ARFGEF3: variants seen among roughly 807,000 people sequenced by gnomAD.
The protein encoded by ARFGEF3 is ARFGEF family member 3.
In ARFGEF3, 96 loss-of-function variants were observed where a neutral mutation model predicts 221.7. The observed-to-expected ratio is 0.43, with a 90% CI of 0.37 to 0.51. The LOEUF is 0.51. Among genes scored for constraint, ARFGEF3 ranks in the 20% least tolerant of loss-of-function variants. The pLI is 0.00. For synonymous variants in ARFGEF3, 1,145 were observed against 1,126.8 expected, an observed-to-expected ratio of 1.02 and a Z score of -0.32; for missense variants, 2,410 against 2,789.9, an observed-to-expected ratio of 0.86 and a Z score of 3.07.
intron 24 of ARFGEF3, among the ~76,000 whole-genome samples, chr6:138,309,251 G>A (rs536224125): frequency 2.6e-5 from 4 of 152,172 alleles, no homozygotes; most frequent in African/African-American, 9.6e-5. Flanking sequence ...GTTTAACTAA[G>A]TGTCCTTCCC....
intron 14 of ARFGEF3, among the ~76,000 whole-genome samples, chr6:138,280,886 A>G (rs1188476230): frequency 6.6e-6 from 1 of 151,414 alleles, no homozygotes; most frequent in Non-Finnish European, 1.5e-5. Context: ...GTTTATCCAT[A>G]TCAGAGGCCC....
At chr6:138,257,692 C>G (rs1583035314) in intron 10 of ARFGEF3, among the ~76,000 whole-genome samples, 1 of 152,156 alleles carries the variant, frequency 6.6e-6, no homozygotes, top group African/African-American at 2.4e-5. Flanking sequence ...CCAGCAGCCC[C>G]TTTTTCTTGG....
intron 31 of ARFGEF3, among the ~76,000 whole-genome samples, chr6:138,326,462 G>A (rs1045631643): frequency 2.6e-5 from 4 of 152,020 alleles, no homozygotes; most frequent in African/African-American, 9.7e-5. Context: ...GTGGGTAAAG[G>A]ACTTGAACAG....
At position 138,194,989 on chromosome 6, in the gene ARFGEF3, A is replaced by ATTTTTT. The variant is rs747099029; in HGVS notation, c.138-12027_138-12022dup. Among the ~76,000 whole-genome samples, 260 of 84,114 alleles carry ATTTTTT rather than the reference A, an allele frequency of 3.1e-3. 11 individuals carry two copies. Among genetic ancestry groups the ATTTTTT allele is most frequent in the African/African-American group, 0.012 (206 of 17,392 alleles). The allele number at this position is 84,114 out of a possible 152,430, so 55.2% of individuals were successfully genotyped here. ...TCAAACTAACTTCACCTTTTCCCTA[A>ATTTTTT]TTTTTTTTTTTTTTTTTTTTTTTTT... is the stretch of plus-strand genomic sequence containing the variant. On this transcript the variant is annotated intron_variant, in intron 2 of 33. Transcript: ENST00000251691.
At chr6:138,289,220 T>C (rs1779354805) in intron 17 of ARFGEF3, among the ~76,000 whole-genome samples, 1 of 152,238 alleles carries the variant, frequency 6.6e-6, no homozygotes, top group Non-Finnish European at 1.5e-5. Context: ...CCCAATGTGC[T>C]GGGATTACAG....
In ARFGEF3 at chr6:138,263,415, C is replaced by T. The variant is rs754945680; in HGVS notation, c.1932C>T (p.Pro644=). The stretch of plus-strand genomic sequence containing the variant: ...CACTAGCCGATGAAGAGCAGACACC[C>T]CGGGACTGCCTAGGCCACCGGTCCC... ...NCSLADEEQT[P]RDCLGHRSLR... is the part of the protein sequence containing the mutation. Residue 644 remains proline (P), a synonymous_variant, in exon 12 of 34, where the codon CCC becomes CCT. Transcript: ENST00000251691. The T allele has an allele frequency of 5.6e-6, 9 of 1,613,860 alleles. No homozygotes were observed. Among genetic ancestry groups the T allele is most frequent in the Admixed American group, 1.7e-5 (1 of 60,002 alleles).
intron 18 of ARFGEF3, 107 bp downstream of exon 18, chr6:138,290,075 A>T: frequency 9.4e-7 from 1 of 1,066,744 alleles, no homozygotes; most frequent in South Asian, 1.7e-5. Context: ...GCCAGCATGT[A>T]AATCAATTAT....
At chr6:138,258,070 C>T (rs1778719093) in intron 10 of ARFGEF3, among the ~76,000 whole-genome samples, 1 of 152,168 alleles carries the variant, frequency 6.6e-6, no homozygotes, top group South Asian at 2.1e-4. Context: ...TAACAATTTT[C>T]CCATTGCCCA....
rs3734302 is a variant in ARFGEF3 at position 138,328,225 on chromosome 6, G to A, written c.5123+83G>A. 9.2e-6 allele frequency: 13 copies of A among 1,411,546 alleles called. No homozygotes were observed. The East Asian group carries it at 3.2e-4, about 35-fold the overall frequency. 87.4% of individuals were successfully genotyped at this position (1,411,546 alleles called of 1,614,324 possible). A position where few individuals can be genotyped will look rare whatever the true frequency, so the allele number is the denominator to read the frequency against. ...CCAGTTCTCACACATTGTAATCTGAGCTTTGGCCAGAAATACTGAAAACAT... is the reference window on the plus strand; with the variant it reads ...CCAGTTCTCACACATTGTAATCTGAACTTTGGCCAGAAATACTGAAAACAT... On this transcript the variant is annotated intron_variant, in intron 32 of 33. Transcript: ENST00000251691.
At chr6:138,230,432 A>G (rs1019592336) in intron 5 of ARFGEF3, among the ~76,000 whole-genome samples, 2 of 152,216 alleles carry the variant, frequency 1.3e-5, no homozygotes, top group Non-Finnish European at 2.9e-5. Flanking sequence ...TGGAAACACT[A>G]TCATTTCAAA....
At chr6:138,218,217 T>G in intron 4 of ARFGEF3, 1 of 1,613,884 alleles carries the variant, frequency 6.2e-7, no homozygotes, top group Non-Finnish European at 8.5e-7. Flanking sequence ...TTGACTTCTT[T>G]TTACTTTTTC....
At chr6:138,315,663 A>G (rs1779910743) in intron 26 of ARFGEF3, among the ~76,000 whole-genome samples, 1 of 152,168 alleles carries the variant, frequency 6.6e-6, no homozygotes, top group African/African-American at 2.4e-5. Flanking sequence ...CAGCCTGGCC[A>G]ACATGGTGAA....
Position 138,334,477 on chromosome 6 carries a change from G to A in ARFGEF3, c.5631G>A (p.Lys1877=), listed in dbSNP as rs1780284302. 1 of 1,612,768 alleles carries A rather than the reference G, an allele frequency of 6.2e-7. No individual in the cohort carries two copies. The highest frequency in any genetic ancestry group is 8.5e-7 in the Non-Finnish European group (1 of 1,179,572). The part of the protein sequence containing the change: ...AQVSPPRGKE[K]RQWRARMPLL... Reference sequence around the variant, plus strand: ...TCAGCCCCCCGAGAGGCAAGGAGAAGAGACAGTGGCGGGCACGGATGCCCT... The same window carrying A: ...TCAGCCCCCCGAGAGGCAAGGAGAAAAGACAGTGGCGGGCACGGATGCCCT... Residue 1877 remains lysine, a synonymous_variant, in exon 33 of 34, where the codon AAG becomes AAA. Transcript: ENST00000251691. This position sits in a 1 kb window ranked among gnomAD's most constrained non-coding sequence, Gnocchi z 5.1.
intron 5 of ARFGEF3, among the ~76,000 whole-genome samples, chr6:138,233,899 C>T (rs1031886114): frequency 4.6e-5 from 7 of 152,088 alleles, no homozygotes; most frequent in African/African-American, 1.7e-4. Context: ...GAAGCAGGAC[C>T]ACGGCCTCAA....
chr6:138,286,797 A>T lies in ARFGEF3; in HGVS notation c.2666A>T (p.Lys889Ile), dbSNP rs773372995. The T allele has an allele frequency of 4.3e-6, 7 of 1,613,918 alleles. No individual in the cohort carries two copies. In the South Asian group the frequency reaches 7.7e-5, roughly 18 times the overall value. ...PLTGRMAGSS[K>I]GLAFILGAEG... ...ACTGGTCGAATGGCGGGGAGCTCCA[A>T]AGGGCTGGCCTTCATTCTGGGAGCT... Residue 889 changes from lysine (K) to isoleucine (I), a missense_variant, in exon 16 of 34, where the codon AAA (lysine) becomes ATA (isoleucine). Lys to Ile is a moderately radical substitution (Grantham distance 102). Transcript: ENST00000251691.
chr6:138,336,362 C>A lies in ARFGEF3; in HGVS notation c.6410C>A (p.Ala2137Asp). The change falls in exon 34 of 34, where the codon GCC becomes GAC. Residue 2137 changes from alanine (A) to aspartate (D), a missense_variant. Ala to Asp is a moderately radical substitution (Grantham distance 126, BLOSUM62 -2). Around this residue, in one of 5 missense-constraint regions of ARFGEF3, gnomAD observed 339 missense variants for 334.9 expected, o/e 1.01. Coordinates refer to ENST00000251691, the MANE Select transcript of ARFGEF3 (RefSeq NM_020340.5). ...ATTCTCCCAGACCAGACCTTCACGG[C>A]CCTCCAGCCCGCAGTGTTCCCGTGC... ...IQILPDQTFT[A>D]LQPAVFPCIS... 1 of 1,611,774 alleles carries A rather than the reference C, an allele frequency of 6.2e-7. No individual in the cohort carries two copies. The highest frequency in any genetic ancestry group is 8.5e-7 in the Non-Finnish European group (1 of 1,179,052).
intron 8 of ARFGEF3, among the ~76,000 whole-genome samples, chr6:138,249,781 G>A (rs80018959): frequency 0.053 from 8,079 of 152,154 alleles, 298 homozygotes; most frequent in Non-Finnish European, 0.081. Flanking sequence ...AATTCCCCTG[G>A]TCATAGTTCT....
chr6:138,288,982 T>A (rs1779349069), intron 17 of ARFGEF3, among the ~76,000 whole-genome samples: 1 of 152,214 alleles, frequency 6.6e-6, no homozygotes, highest in Admixed American at 6.5e-5. Flanking sequence ...AGACCGAGTT[T>A]CACTCTTGTT....
chr6:138,294,150 A>G (rs1562382481), intron 20 of ARFGEF3, 24 bp downstream of exon 20: 2 of 1,610,384 alleles, frequency 1.2e-6, no homozygotes, highest in African/African-American at 1.3e-5. Context: ...TGAATAAACC[A>G]TATGCCAGGA....
Sources: gnomAD v4.1 joint callset for allele counts (sites outside exome capture counted in the v4.1 genomes callset) on GRCh38, gnomAD v4.1.1 for gene constraint, gnomAD v4.1.1 regional missense constraint, Gnocchi (gnomAD v3.1) non-coding constraint, MANE v1.5 for transcripts, NCBI Gene and HGNC (gene_info 2026-07-23, HGNC 2026-07-21) for gene names.